Variants in ZSCAN10 observed in about 807,000 individuals in gnomAD.
ZSCAN10 encodes the protein zinc finger and SCAN domain containing 10, also known as zinc finger and SCAN domain-containing protein 10.
In ZSCAN10, 52 loss-of-function variants were observed where a neutral mutation model predicts 63.7. The ratio of observed to expected loss-of-function variants is 0.82; its 90% CI spans 0.65 to 1.03. The LOEUF is 1.03. Among genes scored for constraint, ZSCAN10 ranks in the 50% least tolerant of loss-of-function variants. The pLI, the probability that ZSCAN10 is intolerant of heterozygous loss-of-function variation, is 0.00. For missense variants in ZSCAN10, 1,223 were observed against 1,103.8 expected, an observed-to-expected ratio of 1.11 and a Z score of -1.53; for synonymous variants, 544 against 479.6, an observed-to-expected ratio of 1.13 and a Z score of -1.76.
chr16:3,089,169 C>A lies in ZSCAN10; in HGVS notation c.2265G>T (p.Thr755=). The change falls in exon 6 of 6, where the codon ACG becomes ACT. Residue 755 remains threonine, a synonymous_variant. Transcript: ENST00000576985. ...TGCGGCTGAAGCTGCGGCCACACTGCGTGCAGGAGTAGGGCCTGGCGCCCG... is the reference window on the plus strand; with the variant it reads ...TGCGGCTGAAGCTGCGGCCACACTGAGTGCAGGAGTAGGGCCTGGCGCCCG... ...VHTGARPYSC[T]QCGRSFSRNS... The A allele has an allele frequency of 1.3e-6, 2 of 1,553,322 alleles. No individual in the cohort carries two copies. Among genetic ancestry groups the A allele is most frequent in the Non-Finnish European group, 1.7e-6 (2 of 1,160,812 alleles).
In ZSCAN10 at chr16:3,092,126, T is replaced by C; in HGVS notation, c.587A>G (p.Gln196Arg). The change falls in exon 3 of 6, where the codon CAG becomes CGG. Residue 196 changes from glutamine to arginine, a missense_variant. Gln to Arg is a conservative substitution (Grantham distance 43, BLOSUM62 1). Coordinates refer to ENST00000576985, the MANE Select transcript of ZSCAN10 (RefSeq NM_032805.3). ...PRAAQPAEPG[Q>R]WRLPPSSKQP... ...CTTTGAACTTGGGGGAAGCCTCCACTGTCCCGGCTCAGCAGGCTGGGCAGC... is the reference window on the plus strand; with the variant it reads ...CTTTGAACTTGGGGGAAGCCTCCACCGTCCCGGCTCAGCAGGCTGGGCAGC... 1 of 1,611,788 alleles carries C rather than the reference T, an allele frequency of 6.2e-7. No individual in the cohort carries two copies. Among genetic ancestry groups the C allele is most frequent in the Non-Finnish European group, 8.5e-7 (1 of 1,178,736 alleles).
Position 3,089,737 on chromosome 16 carries a change from A to C in ZSCAN10, c.1697T>G (p.Val566Gly). 1 of 1,601,306 alleles carries C rather than the reference A, an allele frequency of 6.2e-7. No individual in the cohort carries two copies. Among genetic ancestry groups the C allele is most frequent in the Non-Finnish European group, 8.5e-7 (1 of 1,178,870 alleles). Residue 566 changes from valine to glycine, a missense_variant, in exon 6 of 6, where the codon GTC becomes GGC. Val to Gly is a moderately radical substitution (Grantham distance 109). Transcript: ENST00000576985. ...GCCCGTGTGCACCCGTTGGTGGCTG[A>C]CCAGCTGCGAGCTCTGCGTGAAGCT... ...GRSFTQSSQL[V>G]SHQRVHTGEK...
At position 3,092,874 on chromosome 16, in the gene ZSCAN10, C is replaced by T. The variant is rs1957104817; in HGVS notation, c.64G>A (p.Glu22Lys). 1.4e-6 allele frequency: 2 copies of T among 1,445,298 alleles called. No homozygotes were observed. The highest frequency in any genetic ancestry group is 2.6e-5 in the East Asian group (1 of 38,776). The allele number at this position is 1,445,298 out of a possible 1,614,324, so 89.5% of individuals were successfully genotyped here. ...QEQLGEVKLE[E>K]EEAVSPEDPR... ...TCCTCTGGGCTGACAGCCTCCTCCT[C>T]CTCCAGCTTGACTTCCCCCAGCTGC... The change falls in exon 2 of 6, where the codon GAG becomes AAG. Residue 22 changes from glutamate (E) to lysine (K), a missense_variant. Glu to Lys is a moderately conservative substitution (Grantham distance 56). Transcript: ENST00000576985.
Position 3,090,411 on chromosome 16 carries a change from G to C in ZSCAN10, c.1023C>G (p.Pro341=), listed in dbSNP as rs758604790. The C allele has an allele frequency of 6.2e-7, 1 of 1,613,766 alleles. No individual in the cohort carries two copies. Among genetic ancestry groups the C allele is most frequent in the East Asian group, 2.2e-5 (1 of 44,864 alleles). ...CGCAGATGAACTGCAACTCCGGATT[G>C]GGCTCGGGGACGCCCTCAGCCACTT... ...EVKVAEGVPE[P]NPELQFICAD... is the part of the protein sequence containing the mutation. Residue 341 remains proline, a synonymous_variant, in exon 6 of 6, where the codon CCC becomes CCG. Coordinates refer to ENST00000576985, the MANE Select transcript of ZSCAN10 (RefSeq NM_032805.3).
intron 5 of ZSCAN10, 74 bp downstream of exon 5, chr16:3,091,466 G>C: frequency 6.5e-7 from 1 of 1,530,736 alleles, no homozygotes; most frequent in Non-Finnish European, 9.0e-7. Context: ...AACATAGCGA[G>C]ATTCCATCTC....
intron 1 of ZSCAN10, among the ~76,000 whole-genome samples, chr16:3,095,732 G>A (rs1368708126): frequency 1.3e-5 from 2 of 151,182 alleles, no homozygotes; most frequent in Non-Finnish European, 2.9e-5. Context: ...GGAGGCTGAG[G>A]CAGGAGAATG....
chr16:3,094,641 G>A (rs1484766669), intron 1 of ZSCAN10, among the ~76,000 whole-genome samples: 1 of 152,048 alleles, frequency 6.6e-6, no homozygotes, highest in Admixed American at 6.6e-5. Flanking sequence ...CACCCCGCCC[G>A]ACCTAATGGT....
chr16:3,090,927 G>A (rs1957065842), intron 5 of ZSCAN10, among the ~76,000 whole-genome samples: 1 of 151,912 alleles, frequency 6.6e-6, no homozygotes, highest in African/African-American at 2.4e-5. Flanking sequence ...AAAATTAGCT[G>A]GGTGTAGTGG....
chr16:3,094,723 G>A (rs1957133068), intron 1 of ZSCAN10, among the ~76,000 whole-genome samples: 3 of 152,060 alleles, frequency 2.0e-5, no homozygotes, highest in Admixed American at 2.0e-4. Flanking sequence ...ATCTCTCAAA[G>A]AAATTGGCCT....
intron 5 of ZSCAN10, among the ~76,000 whole-genome samples, chr16:3,091,319 AAGTC>A (rs1372635025): frequency 2.0e-5 from 3 of 151,332 alleles, no homozygotes; most frequent in African/African-American, 7.3e-5. Context: ...AAAGGCCAAA[AAGTC>A]AGGTAGGGTC....
rs114167824 is a variant in ZSCAN10, at chr16:3,091,655, G to A, written c.730-58C>T. On this transcript the variant is annotated intron_variant, in intron 4 of 5. Coordinates refer to ENST00000576985, the MANE Select transcript of ZSCAN10 (RefSeq NM_032805.3). ...GGAACATGCCTCAGGAACCTGTGGG[G>A]ACTGAAATGCTTCCTAGGACTGAAT... is the stretch of plus-strand genomic sequence containing the variant. The A allele has an allele frequency of 7.3e-5, 117 of 1,610,828 alleles. No homozygotes were observed. The African/African-American group carries it at 1.3e-3, about 18-fold the overall frequency.
chr16:3,090,890 C>CAAA (rs398058044), intron 5 of ZSCAN10, among the ~76,000 whole-genome samples: 118 of 63,716 alleles, frequency 1.9e-3, no homozygotes, highest in African/African-American at 5.0e-3. Flanking sequence ...CCCGTCTCTA[C>CAAA]AAAAAAAAAA....
intron 1 of ZSCAN10, among the ~76,000 whole-genome samples, chr16:3,094,299 C>G (rs910319801): frequency 4.6e-5 from 7 of 152,230 alleles, no homozygotes; most frequent in African/African-American, 1.7e-4. Flanking sequence ...CAGGCGTGAG[C>G]CACTGTGCCT....
In ZSCAN10 at chr16:3,089,900, T is replaced by G; in HGVS notation, c.1534A>C (p.Ser512Arg). ...CTCCGGTCGGAGTCCCGGCGGCGGC[T>G]GCCGGAGCCTTCGGAGGACCGGCGG... is the stretch of plus-strand genomic sequence containing the variant. ...KDRRSSEGSG[S>R]RRRDSDRRPF... The change falls in exon 6 of 6, where the codon AGC becomes CGC. Residue 512 changes from serine to arginine, a missense_variant. Physicochemically the swap from Ser to Arg is moderately radical, Grantham distance 110. Transcript: ENST00000576985. 4.6e-6 allele frequency: 7 copies of G among 1,535,348 alleles called. No individual in the cohort carries two copies. The highest frequency in any genetic ancestry group is 6.1e-6 in the Non-Finnish European group (7 of 1,145,290).
Position 3,089,412 on chromosome 16 carries a change from G to T in ZSCAN10, c.2022C>A (p.Ser674Arg), listed in dbSNP as rs772457751. ...CDTCGHRFRN[S>R]SNLARHRRSH... ...TGCGGCGATGGCGGGCCAGGTTGGA[G>T]CTATTGCGGAAACGGTGGCCGCAGG... Residue 674 changes from serine (S) to arginine (R), a missense_variant, in exon 6 of 6, where the codon AGC becomes AGA. Transcript: ENST00000576985. 9 of 1,605,468 alleles carry T rather than the reference G, an allele frequency of 5.6e-6. No individual in the cohort carries two copies. The highest frequency in any genetic ancestry group is 7.6e-6 in the Non-Finnish European group (9 of 1,178,752).
intron 1 of ZSCAN10, 138 bp from the exon 2 acceptor site, chr16:3,093,142 G>T: frequency 1.8e-6 from 1 of 560,582 alleles, no homozygotes; most frequent in Non-Finnish European, 2.7e-6. Context: ...CACGAGGGCA[G>T]GACAGCCCCC....
rs1305201165 is a variant in ZSCAN10 at position 3,091,467 on chromosome 16, A to G, written c.787+73T>C. On this transcript the variant is annotated intron_variant, in intron 5 of 5. Transcript: ENST00000576985. ...AGACTAGCCTGGGCAACATAGCGAG[A>G]TTCCATCTCTTTAAAAAAGACAAGA... The G allele has an allele frequency of 6.5e-6, 10 of 1,537,810 alleles. No individual in the cohort carries two copies. The Admixed American group carries it at 1.5e-4, about 23-fold the overall frequency.
chr16:3,093,025 G>A (rs1957107173), intron 1 of ZSCAN10, 21 bp from the exon 2 acceptor site: 1 of 1,347,998 alleles, frequency 7.4e-7, no homozygotes, highest in Non-Finnish European at 9.5e-7. Context: ...GAACACCCTG[G>A]GTTAGGATCT....
At position 3,092,737 on chromosome 16, in the gene ZSCAN10, C is replaced by G; in HGVS notation, c.201G>C (p.Glu67Asp). The G allele has an allele frequency of 6.2e-7, 1 of 1,612,474 alleles. No individual in the cohort carries two copies. The highest frequency in any genetic ancestry group is 8.5e-7 in the Non-Finnish European group (1 of 1,179,568). ...GPRASLSRLR[E>D]LCGHWLRPAL... ...CCGGCCGCAGCCAGTGGCCGCAGAG[C>G]TCCCGGAGCCGGCTCAGGGACGCCC... The change falls in exon 2 of 6, where the codon GAG (glutamate) becomes GAC (aspartate). Residue 67 changes from glutamate (E) to aspartate (D), a missense_variant. By Grantham distance (45) the Glu-to-Asp change is conservative. Coordinates refer to ENST00000576985, the MANE Select transcript of ZSCAN10 (RefSeq NM_032805.3).
Sources: gnomAD v4.1 joint callset for allele counts (sites outside exome capture counted in the v4.1 genomes callset) on GRCh38, gnomAD v4.1.1 for gene constraint, MANE v1.5 for transcripts, NCBI Gene and HGNC (gene_info 2026-07-23, HGNC 2026-07-21) for gene names.